Variants in RAP1GAP2 observed in about 807,000 individuals in gnomAD.
RAP1GAP2 encodes the protein RAP1 GTPase activating protein 2.
In RAP1GAP2, 27 loss-of-function variants were observed where a neutral mutation model predicts 95.0. The observed-to-expected ratio is 0.28, with a 90% CI of 0.21 to 0.39. RAP1GAP2 has a LOEUF of 0.39. Among genes scored for constraint, RAP1GAP2 ranks in the 10% least tolerant of loss-of-function variants. The probability of loss-of-function intolerance (pLI) is 1.00; values close to 1 mark genes in which losing one functional copy is unlikely to be tolerated. For synonymous variants in RAP1GAP2, 373 were observed against 380.9 expected, an observed-to-expected ratio of 0.98 and a Z score of 0.24; for missense variants, 771 against 970.0, an observed-to-expected ratio of 0.79 and a Z score of 2.72.
intron 3 of RAP1GAP2, among the ~76,000 whole-genome samples, chr17:2,907,900 G>A (rs1466436232): frequency 6.6e-6 from 1 of 152,120 alleles, no homozygotes; most frequent in African/African-American, 2.4e-5. Flanking sequence ...TCCACCTCCT[G>A]GGTTCAAGCG....
chr17:3,019,091 C>T (rs1227346197), intron 18 of RAP1GAP2, among the ~76,000 whole-genome samples: 1 of 151,752 alleles, frequency 6.6e-6, no homozygotes, highest in African/African-American at 2.4e-5. Context: ...ACAAAATCAA[C>T]TGAATTTGAA....
chr17:2,806,027 G>A (rs2069501221), intron 2 of RAP1GAP2, among the ~76,000 whole-genome samples: 2 of 152,198 alleles, frequency 1.3e-5, no homozygotes, highest in African/African-American at 4.8e-5. Context: ...GGAGAGGGAT[G>A]AAGCCCATGA....
chr17:2,800,419 GGT>G, intron 1 of RAP1GAP2, 94 bp from the exon 2 acceptor site: 1 of 1,431,528 alleles, frequency 7.0e-7, no homozygotes, highest in Non-Finnish European at 9.6e-7. Context: ...CCTGCTGTCT[GGT>G]GGTTTGGGCT....
chr17:2,998,086 AAAC>A, intron 13 of RAP1GAP2, 132 bp from the exon 14 acceptor site: 1 of 1,051,392 alleles, frequency 9.5e-7, no homozygotes. Context: ...TAAACTTCCA[AAAC>A]AACAACCACG....
chr17:2,937,030 T>C (rs1324475142), intron 3 of RAP1GAP2, among the ~76,000 whole-genome samples: 1 of 152,172 alleles, frequency 6.6e-6, no homozygotes, highest in African/African-American at 2.4e-5. Context: ...ACGAGAAGTT[T>C]TAAAGCTGAG....
Position 3,018,242 on chromosome 17 carries a change from G to T in RAP1GAP2, c.1632+44G>T, listed in dbSNP as rs758104464. On this transcript the variant is annotated intron_variant, in intron 18 of 24. Coordinates refer to ENST00000254695, the MANE Select transcript of RAP1GAP2 (RefSeq NM_015085.5). ...CGGGGCGGCAAGTGGGTCCCAGGGA[G>T]GCCCCCCCCAGACCTATGGAGGAAG... 17 of 1,527,756 alleles carry T rather than the reference G, an allele frequency of 1.1e-5. No individual in the cohort carries two copies. The South Asian group carries it at 1.9e-4, about 17-fold the overall frequency. 94.6% of individuals were successfully genotyped at this position (1,527,756 alleles called of 1,614,324 possible).
intron 2 of RAP1GAP2, among the ~76,000 whole-genome samples, chr17:2,850,031 C>T (rs1000084790): frequency 7.6e-5 from 10 of 131,870 alleles, no homozygotes; most frequent in African/African-American, 2.9e-5. Flanking sequence ...GATGGAGTCT[C>T]GCTCTGTTGC....
At position 2,906,405 on chromosome 17, in the gene RAP1GAP2, G is replaced by A. The variant is rs904071531; in HGVS notation, c.165+1037G>A. On this transcript the variant is annotated intron_variant, in intron 3 of 24. Coordinates refer to ENST00000254695, the MANE Select transcript of RAP1GAP2 (RefSeq NM_015085.5). This position sits in a 1 kb window ranked among gnomAD's most constrained non-coding sequence, Gnocchi z 4.3. ...CATACAGAGCCATGTGGTATGCCTC[G>A]AGGAGCCTGTGTGTTGAGGGGTAGC... Among the ~76,000 whole-genome samples, 3 of 151,942 alleles carry A rather than the reference G, an allele frequency of 2.0e-5. No individual in the cohort carries two copies. Among genetic ancestry groups the A allele is most frequent in the African/African-American group, 7.2e-5 (3 of 41,398 alleles).
intron 3 of RAP1GAP2, among the ~76,000 whole-genome samples, chr17:2,927,383 G>A (rs972654252): frequency 2.0e-5 from 3 of 152,072 alleles, no homozygotes; most frequent in African/African-American, 7.2e-5. Flanking sequence ...TCGATCTCCT[G>A]ACCTCGTGAT....
chr17:2,837,235 A>T (rs1479705500), intron 2 of RAP1GAP2, among the ~76,000 whole-genome samples: 1 of 149,416 alleles, frequency 6.7e-6, no homozygotes, highest in Non-Finnish European at 1.5e-5. Context: ...TGGGTGACAG[A>T]GCAAGACTCT....
chr17:2,995,360 C>G lies in RAP1GAP2; in HGVS notation c.938C>G (p.Thr313Ser). Residue 313 changes from threonine to serine, a missense_variant, in exon 13 of 25, where the codon ACC becomes AGC. Thr to Ser is a moderately conservative substitution (Grantham distance 58). Transcript: ENST00000254695. ...AGTTTCCGAGGAGGCCTGGACGTGA[C>G]CCACGGACAGACAGGGGTGGAATCA... ...FKGFRGGLDV[T>S]HGQTGVESVY... is the part of the protein sequence containing the mutation. 1.9e-6 allele frequency: 3 copies of G among 1,613,760 alleles called. No homozygotes were observed. Among genetic ancestry groups the G allele is most frequent in the Non-Finnish European group, 2.5e-6 (3 of 1,179,674 alleles).
chr17:2,755,694 G>T, upstream of RAP1GAP2: 1 of 311,516 alleles, frequency 3.2e-6, no homozygotes, highest in Non-Finnish European at 5.9e-6. Context: ...GGCCCGCGGA[G>T]GGCAGGGAGC....
In RAP1GAP2 at chr17:2,816,982, C is replaced by CTT. The variant is rs148255771; in HGVS notation, c.80+16454_80+16455dup. 2.9e-3 allele frequency among the ~76,000 whole-genome samples: 141 copies of CTT among 48,638 alleles called. 8 individuals carry two copies. Among genetic ancestry groups the CTT allele is most frequent in the African/African-American group, 5.7e-3 (77 of 13,504 alleles). The allele number at this position is 48,638 out of a possible 152,430, so 31.9% of individuals were successfully genotyped here. A position where few individuals can be genotyped will look rare whatever the true frequency, so the allele number is the denominator to read the frequency against. ...ATGTTGTAGCGTGTGTCAGAATTTC[C>CTT]TTTTTTTTTTTTTTTTTTTTTTTGA... On this transcript the variant is annotated intron_variant, in intron 2 of 24. Transcript: ENST00000254695.
At chr17:2,885,108 A>G (rs2073444678) in intron 2 of RAP1GAP2, among the ~76,000 whole-genome samples, 1 of 133,724 alleles carries the variant, frequency 7.5e-6, no homozygotes, top group Non-Finnish European at 1.5e-5. Flanking sequence ...ATCTCGGCTC[A>G]CTGCAAGCTC....
chr17:2,805,015 C>T (rs890200484), intron 2 of RAP1GAP2, among the ~76,000 whole-genome samples: 6 of 152,206 alleles, frequency 3.9e-5, no homozygotes, highest in African/African-American at 7.2e-5. Flanking sequence ...TGAGTGAATG[C>T]ATGGCTGTGT....
chr17:2,912,107 C>T (rs1362780959), intron 3 of RAP1GAP2, among the ~76,000 whole-genome samples: 1 of 152,204 alleles, frequency 6.6e-6, no homozygotes, highest in South Asian at 2.1e-4. Context: ...TGGCTCTCCA[C>T]GGCCAGGGAA....
intron 2 of RAP1GAP2, among the ~76,000 whole-genome samples, chr17:2,804,584 A>G (rs1597341043): frequency 6.6e-6 from 1 of 152,014 alleles, no homozygotes; most frequent in Admixed American, 6.6e-5. Context: ...CGCAGAATGC[A>G]CCTCCGCCTC....
At chr17:2,826,216 C>T (rs1414071591) in intron 2 of RAP1GAP2, among the ~76,000 whole-genome samples, 1 of 142,242 alleles carries the variant, frequency 7.0e-6, no homozygotes, top group African/African-American at 2.7e-5. Context: ...AGGATGGTCT[C>T]AATCTCCTAA....
intron 22 of RAP1GAP2, among the ~76,000 whole-genome samples, chr17:3,028,809 AT>A (rs1439203602): frequency 1.3e-5 from 2 of 151,650 alleles, no homozygotes; most frequent in African/African-American, 2.4e-5. Flanking sequence ...AAATTCCCTG[AT>A]TTTTTTTCGA....
Sources: allele counts gnomAD v4.1 joint callset (sites outside exome capture counted in the v4.1 genomes callset), GRCh38; gene constraint gnomAD v4.1.1; non-coding constraint Gnocchi (gnomAD v3.1); transcripts MANE v1.5; gene names NCBI Gene and HGNC (gene_info 2026-07-23, HGNC 2026-07-21).